Variants in RALYL observed in about 807,000 individuals in gnomAD.
The protein encoded by RALYL is RNA-binding Raly-like protein.
In RALYL, 29 loss-of-function variants were observed where a neutral mutation model predicts 35.1. The ratio of observed to expected loss-of-function variants is 0.83; its 90% confidence interval spans 0.61 to 1.13. The LOEUF (loss-of-function observed/expected upper bound fraction) is 1.13, where lower values mean the gene tolerates loss of function less well. RALYL is among the 50% of genes most tolerant of loss of function. The pLI is 0.00. For missense variants in RALYL, 359 were observed against 360.4 expected, an observed-to-expected ratio of 1.00 and a Z score of 0.03; for synonymous variants, 120 against 127.6, an observed-to-expected ratio of 0.94 and a Z score of 0.40.
intron 1 of RALYL, among the ~76,000 whole-genome samples, chr8:84,511,147 C>CTGCTT (rs1364724132): frequency 6.6e-6 from 1 of 152,106 alleles, no homozygotes; most frequent in Non-Finnish European, 1.5e-5. Context: ...ACAACTTATT[C>CTGCTT]TGCTTTCAGG....
intron 1 of RALYL, among the ~76,000 whole-genome samples, chr8:84,268,924 A>T (rs1013702443): frequency 2.6e-5 from 4 of 152,228 alleles, no homozygotes; most frequent in African/African-American, 7.2e-5. Context: ...ATAATCTACT[A>T]GCATATACAG....
intron 2 of RALYL, among the ~76,000 whole-genome samples, chr8:84,740,822 C>G (rs1490955726): frequency 6.6e-6 from 1 of 151,932 alleles, no homozygotes; most frequent in Non-Finnish European, 1.5e-5. Flanking sequence ...TGTAAGCTAT[C>G]AAAGTCTTTG....
At chr8:84,660,931 T>C (rs923919331) in intron 2 of RALYL, among the ~76,000 whole-genome samples, 11 of 152,052 alleles carry the variant, frequency 7.2e-5, no homozygotes, top group Admixed American at 6.6e-5. Context: ...TTATTTTATT[T>C]ATTTATTTAT....
At chr8:84,486,763 C>T (rs1048546197) in intron 1 of RALYL, among the ~76,000 whole-genome samples, 4 of 151,854 alleles carry the variant, frequency 2.6e-5, no homozygotes, top group Admixed American at 6.6e-5. Context: ...TTTATAATTA[C>T]AATATAATTT....
At chr8:84,616,533 T>G (rs1486900653) in intron 2 of RALYL, among the ~76,000 whole-genome samples, 34 of 146,632 alleles carry the variant, frequency 2.3e-4, no homozygotes, top group Admixed American at 4.7e-4. Context: ...TTTCTCCCAT[T>G]TTGTAGGTTG....
intron 1 of RALYL, among the ~76,000 whole-genome samples, chr8:84,268,276 C>T (rs1833689751): frequency 6.6e-6 from 1 of 152,160 alleles, no homozygotes; most frequent in Non-Finnish European, 1.5e-5. Context: ...CCAGTGACAA[C>T]ATTCCGTATA....
At chr8:84,763,116 C>T (rs1466497188) in intron 2 of RALYL, among the ~76,000 whole-genome samples, 3 of 152,036 alleles carry the variant, frequency 2.0e-5, no homozygotes, top group Non-Finnish European at 2.9e-5. Context: ...TTATAAAATA[C>T]CTCACATAGC....
chr8:84,386,683 C>T (rs1456671804), intron 1 of RALYL, among the ~76,000 whole-genome samples: 1 of 151,800 alleles, frequency 6.6e-6, no homozygotes, highest in Non-Finnish European at 1.5e-5. Context: ...CCACACTGGC[C>T]TGCCTCTTCC....
At chr8:84,719,310 T>G (rs144873403) in intron 2 of RALYL, among the ~76,000 whole-genome samples, 5 of 152,292 alleles carry the variant, frequency 3.3e-5, no homozygotes, top group African/African-American at 1.2e-4. Flanking sequence ...AACTAGAAAT[T>G]TTAGTCATTT....
At chr8:84,845,198 AC>A (rs776304387) in intron 4 of RALYL, among the ~76,000 whole-genome samples, 2 of 152,222 alleles carry the variant, frequency 1.3e-5, no homozygotes, top group Admixed American at 6.5e-5. Context: ...AATACTGAGA[AC>A]TTTTATTCCA....
At chr8:84,837,819 G>A (rs1832329492) in intron 4 of RALYL, among the ~76,000 whole-genome samples, 2 of 152,100 alleles carry the variant, frequency 1.3e-5, no homozygotes, top group South Asian at 4.1e-4. Context: ...TGAAATATTT[G>A]TTTGCACTAA....
chr8:84,441,715 T>G (rs1320685687), intron 1 of RALYL, among the ~76,000 whole-genome samples: 1 of 152,102 alleles, frequency 6.6e-6, no homozygotes, highest in Admixed American at 6.6e-5. Flanking sequence ...GATCGGCAAA[T>G]TTTGTTCACA....
intron 2 of RALYL, among the ~76,000 whole-genome samples, chr8:84,555,226 C>G (rs2061027130): frequency 6.6e-6 from 1 of 152,120 alleles, no homozygotes; most frequent in Admixed American, 6.5e-5. Context: ...TTGCAGTGAG[C>G]CGAGATCATG....
intron 1 of RALYL, among the ~76,000 whole-genome samples, chr8:84,352,981 C>T (rs568263248): frequency 6.7e-6 from 1 of 150,060 alleles, no homozygotes; most frequent in African/African-American, 2.5e-5. Flanking sequence ...GTGCCAATTG[C>T]CGCGACCCCT....
intron 1 of RALYL, among the ~76,000 whole-genome samples, chr8:84,319,582 C>G (rs1779433254): frequency 6.6e-6 from 1 of 152,020 alleles, no homozygotes; most frequent in South Asian, 2.1e-4. Flanking sequence ...ATGATACGCT[C>G]AAAGAACTTT....
At chr8:84,498,280 A>G (rs1453569858) in intron 1 of RALYL, among the ~76,000 whole-genome samples, 2 of 152,052 alleles carry the variant, frequency 1.3e-5, no homozygotes, top group Non-Finnish European at 2.9e-5. Context: ...GTTGTAGACT[A>G]TCATTATCCT....
chr8:84,680,212 G>A (rs1316102754), intron 2 of RALYL, among the ~76,000 whole-genome samples: 1 of 152,156 alleles, frequency 6.6e-6, no homozygotes, highest in African/African-American at 2.4e-5. Flanking sequence ...GTATTCCATG[G>A]TATATATGTG....
chr8:84,650,619 T>C (rs1203601679), intron 2 of RALYL, among the ~76,000 whole-genome samples: 1 of 151,998 alleles, frequency 6.6e-6, no homozygotes, highest in East Asian at 1.9e-4. Context: ...TTTACACTGT[T>C]GGTGGGACTG....
chr8:84,203,286 T>A (rs932365649), intron 1 of RALYL, among the ~76,000 whole-genome samples: 2 of 151,816 alleles, frequency 1.3e-5, no homozygotes, highest in East Asian at 1.9e-4. Context: ...TCTTTCTTTT[T>A]TTTTTTTCTT....
Sources: gnomAD v4.1 joint callset for allele counts (sites outside exome capture counted in the v4.1 genomes callset) on GRCh38, gnomAD v4.1.1 for gene constraint, MANE v1.5 for transcripts, NCBI Gene and HGNC (gene_info 2026-07-23, HGNC 2026-07-21) for gene names.